The following UNC5C variants were observed in gnomAD, a reference collection of about 807,000 sequenced individuals.
UNC5C encodes the protein netrin receptor UNC5C.
A neutral mutation model predicts 99.8 loss-of-function variants in UNC5C; 47 were observed. The ratio of observed to expected loss-of-function variants is 0.47; its 90% CI spans 0.37 to 0.60. The LOEUF (loss-of-function observed/expected upper bound fraction) is 0.60. Among genes scored for constraint, UNC5C ranks in the 20% least tolerant of loss-of-function variants. UNC5C has a pLI of 0.00. For synonymous variants in UNC5C, 487 were observed against 452.2 expected (o/e 1.08, Z -0.98); for missense variants, 1,062 against 1,165.9 (o/e 0.91, Z 1.30).
intron 1 of UNC5C, among the ~76,000 whole-genome samples, chr4:95,520,086 T>C (rs866430464): frequency 3.1e-4 from 47 of 152,082 alleles, no homozygotes; most frequent in Middle Eastern, 3.2e-3. Context: ...AATGAAGAAA[T>C]TGAAGCTCCA....
chr4:95,506,263 C>A (rs760852097), intron 1 of UNC5C, among the ~76,000 whole-genome samples: 13 of 151,964 alleles, frequency 8.6e-5, no homozygotes, highest in Non-Finnish European at 1.9e-4. Flanking sequence ...TTCAACTCTG[C>A]GGCAACCAGT....
chr4:95,471,149 G>A (rs1377000961), intron 1 of UNC5C, among the ~76,000 whole-genome samples: 1 of 151,106 alleles, frequency 6.6e-6, no homozygotes, highest in African/African-American at 2.4e-5. Context: ...GGTGGGGGTG[G>A]TAAGCCGTTA....
At chr4:95,439,649 T>G (rs1578164291) in intron 1 of UNC5C, among the ~76,000 whole-genome samples, 1 of 152,308 alleles carries the variant, frequency 6.6e-6, no homozygotes, top group East Asian at 1.9e-4. Flanking sequence ...TTTCCCAAAG[T>G]GCATTCTAGA....
intron 2 of UNC5C, among the ~76,000 whole-genome samples, chr4:95,311,629 C>T (rs760904577): frequency 1.3e-5 from 2 of 152,182 alleles, no homozygotes; most frequent in Non-Finnish European, 2.9e-5. Context: ...TAACTATACA[C>T]TTGTGAATTA....
intron 1 of UNC5C, among the ~76,000 whole-genome samples, chr4:95,472,456 G>A (rs1747999854): frequency 6.6e-6 from 1 of 152,110 alleles, no homozygotes; most frequent in Admixed American, 6.6e-5. Flanking sequence ...TTAATGCAAT[G>A]CAAAGTTGTG....
In UNC5C at chr4:95,215,242, T is replaced by C. The variant is rs114810795; in HGVS notation, c.1733+882A>G. On this transcript the variant is annotated intron_variant, in intron 10 of 15. Transcript: ENST00000453304. The stretch of plus-strand genomic sequence containing the variant: ...GTTCTGCATTGTCACTCATGCTTTA[T>C]ATTCAGAGCTCAGGGCTGAGGAGCC... 6.2e-3 allele frequency among the ~76,000 whole-genome samples: 938 copies of C among 152,362 alleles called. 12 individuals carry two copies. Among genetic ancestry groups the C allele is most frequent in the African/African-American group, 0.022 (896 of 41,584 alleles).
chr4:95,276,148 A>G (rs1740852237), intron 4 of UNC5C, among the ~76,000 whole-genome samples: 1 of 152,146 alleles, frequency 6.6e-6, no homozygotes, highest in Admixed American at 6.5e-5. Context: ...AGCAAATGGC[A>G]GTTGTAATAT....
rs1216490787 is a variant in UNC5C at position 95,183,002 on chromosome 4, A to G, written c.2346T>C (p.Thr782=). The change falls in exon 14 of 16, where the codon ACT becomes ACC. Residue 782 remains threonine, a synonymous_variant. Coordinates refer to ENST00000453304, the MANE Select transcript of UNC5C (RefSeq NM_003728.4). ...CTGTGTTCAGGCTAAATCTTTCCAG[A>G]GTGAAGGTGCAGTGCAGGTTTCTTT... ...GSQRNLHCTF[T]LERFSLNTVE... 1 of 1,613,480 alleles carries G rather than the reference A, an allele frequency of 6.2e-7. No individual in the cohort carries two copies. Among genetic ancestry groups the G allele is most frequent in the East Asian group, 2.2e-5 (1 of 44,874 alleles).
chr4:95,197,044 T>A (rs1339637298), intron 12 of UNC5C, among the ~76,000 whole-genome samples: 1 of 46,112 alleles, frequency 2.2e-5, no homozygotes, highest in Non-Finnish European at 3.6e-5. Flanking sequence ...TATATTATAT[T>A]TATGTAATAT....
At chr4:95,321,687 G>C (rs141893502) in intron 2 of UNC5C, among the ~76,000 whole-genome samples, 76 of 152,314 alleles carry the variant, frequency 5.0e-4, no homozygotes, top group Non-Finnish European at 7.4e-5. Flanking sequence ...ATACTGTATA[G>C]AAAATTTTAA....
intron 1 of UNC5C, among the ~76,000 whole-genome samples, chr4:95,483,805 G>C (rs1328306442): frequency 2.0e-5 from 3 of 151,630 alleles, no homozygotes; most frequent in African/African-American, 7.3e-5. Context: ...ACTAATTTTT[G>C]TGATGGCCTC....
At chr4:95,366,292 C>A (rs1305046818) in intron 1 of UNC5C, among the ~76,000 whole-genome samples, 1 of 152,056 alleles carries the variant, frequency 6.6e-6, no homozygotes, top group East Asian at 1.9e-4. Context: ...AGTGAGACCT[C>A]CATCTCAAAA....
intron 2 of UNC5C, among the ~76,000 whole-genome samples, chr4:95,312,277 A>G (rs1742304484): frequency 6.6e-6 from 1 of 152,130 alleles, no homozygotes; most frequent in South Asian, 2.1e-4. Flanking sequence ...TAGAGATAAA[A>G]TAGTTGTTCA....
At chr4:95,483,659 GC>G (rs1260339749) in intron 1 of UNC5C, among the ~76,000 whole-genome samples, 5 of 151,646 alleles carry the variant, frequency 3.3e-5, no homozygotes, top group Non-Finnish European at 7.4e-5. Flanking sequence ...CCCAAATCAG[GC>G]CTCTGCTGAC....
chr4:95,308,979 A>T (rs1487121869), intron 2 of UNC5C, among the ~76,000 whole-genome samples: 2 of 152,136 alleles, frequency 1.3e-5, no homozygotes, highest in African/African-American at 4.8e-5. Context: ...AGCTAATGCA[A>T]TCTTGAGCAA....
intron 1 of UNC5C, among the ~76,000 whole-genome samples, chr4:95,525,273 G>T (rs1293108679): frequency 6.6e-6 from 1 of 152,072 alleles, no homozygotes; most frequent in Admixed American, 6.5e-5. Context: ...ACCTAGGAAT[G>T]CTCAAGTACT....
At chr4:95,356,202 A>C (rs1744183961) in intron 1 of UNC5C, among the ~76,000 whole-genome samples, 1 of 131,344 alleles carries the variant, frequency 7.6e-6, no homozygotes, top group African/African-American at 2.9e-5. Context: ...GCAAAAAAAA[A>C]AAAAAAAAAA....
intron 1 of UNC5C, among the ~76,000 whole-genome samples, chr4:95,383,124 T>C (rs1745117489): frequency 2.6e-5 from 4 of 152,054 alleles, no homozygotes; most frequent in Admixed American, 2.6e-4. Flanking sequence ...TAATCCAATA[T>C]CAAAACTAAA....
intron 1 of UNC5C, among the ~76,000 whole-genome samples, chr4:95,389,244 A>T (rs907089955): frequency 1.3e-5 from 2 of 152,196 alleles, no homozygotes; most frequent in Non-Finnish European, 1.5e-5. Flanking sequence ...CAGTACTAAC[A>T]ATCACAGTTA....
Sources: allele counts gnomAD v4.1 joint callset (sites outside exome capture counted in the v4.1 genomes callset), GRCh38; gene constraint gnomAD v4.1.1; transcripts MANE v1.5; gene names NCBI Gene and HGNC (gene_info 2026-07-23, HGNC 2026-07-21).